Variants in RBFOX1 observed in about 807,000 individuals in gnomAD.
RBFOX1 encodes the protein RNA binding fox-1 homolog 1, also known as RNA binding protein fox-1 homolog 1.
A neutral mutation model predicts 57.7 loss-of-function variants in RBFOX1; 8 were observed. The ratio of observed to expected loss-of-function variants is 0.14; its 90% CI spans 0.08 to 0.25. RBFOX1 has a LOEUF of 0.25. Among genes scored for constraint, RBFOX1 ranks in the 10% least tolerant of loss-of-function variants. The pLI, the probability that RBFOX1 is intolerant of heterozygous loss-of-function variation, is 1.00. For synonymous variants in RBFOX1, 326 were observed against 222.4 expected, an observed-to-expected ratio of 1.47 and a Z score of -4.15; for missense variants, 611 against 548.5, an observed-to-expected ratio of 1.11 and a Z score of -1.14.
At chr16:6,762,915 A>G (rs1442641084) in intron 3 of RBFOX1, among the ~76,000 whole-genome samples, 1 of 152,198 alleles carries the variant, frequency 6.6e-6, no homozygotes, top group East Asian at 1.9e-4. Context: ...AGAGAAAGGT[A>G]GCATCTGAGC....
At chr16:7,045,163 C>T (rs2047475381) in intron 3 of RBFOX1, among the ~76,000 whole-genome samples, 2 of 152,148 alleles carry the variant, frequency 1.3e-5, no homozygotes, top group Admixed American at 1.3e-4. Context: ...ACTGGATTGA[C>T]TCAAATTGGC....
At chr16:6,600,764 C>G (rs2097843440) in intron 2 of RBFOX1, among the ~76,000 whole-genome samples, 1 of 151,550 alleles carries the variant, frequency 6.6e-6, no homozygotes, top group Admixed American at 6.6e-5. Context: ...AAGTAACAAG[C>G]AAGATTATAT....
chr16:6,775,431 A>C (rs576694000), intron 3 of RBFOX1, among the ~76,000 whole-genome samples: 1 of 151,670 alleles, frequency 6.6e-6, no homozygotes, highest in South Asian at 2.1e-4. Flanking sequence ...TGAAGAAAGG[A>C]TTTTAACATC....
chr16:5,971,787 G>A (rs559410106), intron 4 of RBFOX1, among the ~76,000 whole-genome samples: 6 of 152,300 alleles, frequency 3.9e-5, no homozygotes, highest in East Asian at 1.9e-4. Flanking sequence ...CTAGGCCATG[G>A]GGTGCCCAGA....
intron 3 of RBFOX1, among the ~76,000 whole-genome samples, chr16:6,861,173 A>G (rs1490580891): frequency 3.9e-5 from 6 of 152,194 alleles, no homozygotes; most frequent in South Asian, 4.1e-4. Flanking sequence ...CATGTATTGC[A>G]TAAGAAAAAA....
chr16:5,658,090 G>C (rs2049512997), intron 3 of RBFOX1, among the ~76,000 whole-genome samples: 1 of 152,190 alleles, frequency 6.6e-6, no homozygotes, highest in African/African-American at 2.4e-5. Context: ...GGGTTGGAGA[G>C]AATGCCTGCT....
intron 1 of RBFOX1, among the ~76,000 whole-genome samples, chr16:5,428,923 T>C (rs1282120507): frequency 6.6e-6 from 1 of 152,146 alleles, no homozygotes; most frequent in East Asian, 1.9e-4. Context: ...AGGTATAAGG[T>C]GATCTTTATG....
At chr16:7,149,776 G>A (rs369134462) in intron 4 of RBFOX1, among the ~76,000 whole-genome samples, 2 of 151,980 alleles carry the variant, frequency 1.3e-5, no homozygotes, top group African/African-American at 4.8e-5. Flanking sequence ...TGTAGCCCCA[G>A]TGACTTTTCC....
chr16:5,421,149 G>T (rs940387992), intron 1 of RBFOX1, among the ~76,000 whole-genome samples: 1 of 151,760 alleles, frequency 6.6e-6, no homozygotes, highest in Admixed American at 6.6e-5. Context: ...TGGGACAACA[G>T]GCATGGGCCA....
intron 4 of RBFOX1, among the ~76,000 whole-genome samples, chr16:7,109,207 A>G (rs1232515708): frequency 2.6e-5 from 4 of 152,206 alleles, no homozygotes; most frequent in Non-Finnish European, 5.9e-5. Context: ...AAACAAGTAT[A>G]AAGGATACCA....
rs114465906 is a variant in RBFOX1, at chr16:6,837,748, C to T, written c.-16+183098C>T. Among the ~76,000 whole-genome samples the T allele has an allele frequency of 2.0e-3, 309 of 152,262 alleles. 3 individuals are homozygous for T. The highest frequency in any genetic ancestry group is 7.0e-3 in the African/African-American group (290 of 41,542). On this transcript the variant is annotated intron_variant, in intron 3 of 15. Coordinates refer to ENST00000550418, the MANE Select transcript of RBFOX1 (RefSeq NM_018723.4). ...TAAACATTAGTTATCTTTAAATGTCCATGAATACTTAAAATAATTGTCATT... is the reference window on the plus strand; with the variant it reads ...TAAACATTAGTTATCTTTAAATGTCTATGAATACTTAAAATAATTGTCATT...
chr16:5,546,616 C>T lies in RBFOX1; in HGVS notation c.259-52286C>T, dbSNP rs189315681. ...CATATACAAAAATTAACTGAAAATG[C>T]ATCATACATTCAGATATACAACCTA... On this transcript the variant is annotated intron_variant, in intron 2 of 2. Coordinates refer to the RBFOX1 transcript ENST00000585867. Among the ~76,000 whole-genome samples the T allele has an allele frequency of 4.3e-3, 653 of 152,254 alleles. 3 individuals carry two copies. Among genetic ancestry groups the T allele is most frequent in the African/African-American group, 0.014 (596 of 41,550 alleles).
intron 2 of RBFOX1, among the ~76,000 whole-genome samples, chr16:6,545,504 C>T (rs1015977679): frequency 2.6e-5 from 4 of 152,094 alleles, no homozygotes; most frequent in African/African-American, 4.8e-5. Flanking sequence ...CCAGAGGATG[C>T]CTCCTGTCGT....
intron 2 of RBFOX1, among the ~76,000 whole-genome samples, chr16:6,383,941 A>AG (rs528016233): frequency 1.5e-4 from 23 of 152,226 alleles, no homozygotes; most frequent in Non-Finnish European, 2.8e-4. Flanking sequence ...GGGAATTTTA[A>AG]GGGGAAAAAA....
chr16:7,343,107 A>G (rs1312707779), intron 4 of RBFOX1, among the ~76,000 whole-genome samples: 1 of 151,952 alleles, frequency 6.6e-6, no homozygotes, highest in African/African-American at 2.4e-5. Context: ...ACTCTTTAGG[A>G]CCACCCACAC....
At position 5,625,770 on chromosome 16, in the gene RBFOX1, C is replaced by T. The variant is rs1206747607; in HGVS notation, c.318+26809C>T. ...ACAGGGTTTCATCATTTTGGCCAGGCTGGTTTCAAACTCCTGACCTCAGGT... is the reference window on the plus strand; with the variant it reads ...ACAGGGTTTCATCATTTTGGCCAGGTTGGTTTCAAACTCCTGACCTCAGGT... On this transcript the variant is annotated intron_variant, in intron 3 of 19. Coordinates refer to the RBFOX1 transcript ENST00000641259. Among the ~76,000 whole-genome samples the T allele has an allele frequency of 4.6e-5, 7 of 152,140 alleles. No individual in the cohort carries two copies. In the South Asian group the frequency reaches 1.2e-3, roughly 27 times the overall value.
At chr16:6,653,015 C>G (rs569938490) in intron 2 of RBFOX1, among the ~76,000 whole-genome samples, 5 of 152,114 alleles carry the variant, frequency 3.3e-5, no homozygotes, top group African/African-American at 9.7e-5. Context: ...TCCTCTCTTA[C>G]TTCCCTCTAA....
At chr16:5,619,699 G>C (rs1176943553) in intron 3 of RBFOX1, among the ~76,000 whole-genome samples, 1 of 152,188 alleles carries the variant, frequency 6.6e-6, no homozygotes, top group Non-Finnish European at 1.5e-5. Context: ...AACTCTTGGA[G>C]AGGAGGCTCC....
intron 4 of RBFOX1, among the ~76,000 whole-genome samples, chr16:6,013,924 G>GACACAGCAAGGGGAACATC (rs1407326215): frequency 6.9e-6 from 1 of 145,332 alleles, no homozygotes; most frequent in African/African-American, 2.5e-5. Context: ...AGAACACTTG[G>GACACAGCAAGGGGAACATC]ACACAGCAAG....
Sources: allele counts gnomAD v4.1 joint callset (sites outside exome capture counted in the v4.1 genomes callset), GRCh38; gene constraint gnomAD v4.1.1; transcripts MANE v1.5; gene names NCBI Gene and HGNC (gene_info 2026-07-23, HGNC 2026-07-21).